CPXM2: variants seen among roughly 807,000 people sequenced by gnomAD.
CPXM2 encodes inactive carboxypeptidase-like protein X2.
In CPXM2, 66 loss-of-function variants were observed where a neutral mutation model predicts 86.1. That is an observed-to-expected ratio of 0.77 (90% CI 0.63 to 0.94). The LOEUF is 0.94. Among genes scored for constraint, CPXM2 ranks in the 40% least tolerant of loss-of-function variants. The probability of loss-of-function intolerance (pLI) is 0.00; values close to 1 mark genes in which losing one functional copy is unlikely to be tolerated. For missense variants in CPXM2, 948 were observed against 1,026.3 expected (o/e 0.92, Z 1.04); for synonymous variants, 388 against 400.2 (o/e 0.97, Z 0.36).
chr10:123,890,456 C>A (rs1218067785), intron 1 of CPXM2, among the ~76,000 whole-genome samples: 1 of 152,260 alleles, frequency 6.6e-6, no homozygotes, highest in Non-Finnish European at 1.5e-5. Flanking sequence ...GCCTTCCATA[C>A]CCGGAGCCCT....
intron 13 of CPXM2, chr10:123,751,680 C>G: frequency 1.0e-6 from 1 of 985,390 alleles, no homozygotes; most frequent in African/African-American, 1.7e-5. Flanking sequence ...TTTAATACCC[C>G]TGTTTATTTT....
At chr10:123,775,129 C>T (rs1846751054) in intron 7 of CPXM2, among the ~76,000 whole-genome samples, 1 of 152,298 alleles carries the variant, frequency 6.6e-6, no homozygotes, top group East Asian at 1.9e-4. Flanking sequence ...GGGCTCTTCC[C>T]TTACCCCTAT....
At chr10:123,882,676 A>G (rs944461287) in intron 1 of CPXM2, among the ~76,000 whole-genome samples, 2 of 152,090 alleles carry the variant, frequency 1.3e-5, no homozygotes, top group Non-Finnish European at 2.9e-5. Context: ...TGGGGCCTCC[A>G]TGGAACAGGC....
intron 4 of CPXM2, among the ~76,000 whole-genome samples, chr10:123,809,579 T>C (rs141652311): frequency 2.2e-4 from 34 of 152,208 alleles, no homozygotes; most frequent in Non-Finnish European, 4.4e-4. Context: ...TATATACATA[T>C]ATAGATATAG....
rs149892692 is a variant in CPXM2, at chr10:123,800,661, G to A, written c.654-1462C>T. 6.4e-4 allele frequency among the ~76,000 whole-genome samples: 97 copies of A among 151,732 alleles called. 1 individual carries two copies. Among genetic ancestry groups the A allele is most frequent in the African/African-American group, 1.3e-3 (53 of 41,292 alleles). On this transcript the variant is annotated intron_variant, in intron 4 of 13. Coordinates refer to ENST00000241305, the MANE Select transcript of CPXM2 (RefSeq NM_198148.3). ...AGGTGATGAATGTAGGAAACCCCTC[G>A]GTCAAGAGAAGCACAAGACAATAAG...
chr10:123,858,968 C>G lies in CPXM2; in HGVS notation c.513+3646G>C, dbSNP rs73366760. The stretch of plus-strand genomic sequence containing the variant: ...GGTGGGACCTGCACCTTCCTGATGA[C>G]GACACTGAGCCTTGGAGAATGAGGG... On this transcript the variant is annotated intron_variant, in intron 3 of 13. Transcript: ENST00000241305. 8.8e-3 allele frequency among the ~76,000 whole-genome samples: 1,334 copies of G among 152,316 alleles called. 22 individuals are homozygous for G. Among genetic ancestry groups the G allele is most frequent in the African/African-American group, 0.03 (1,263 of 41,564 alleles).
At chr10:123,872,044 A>G (rs548625831) in intron 2 of CPXM2, among the ~76,000 whole-genome samples, 2 of 152,368 alleles carry the variant, frequency 1.3e-5, no homozygotes, top group African/African-American at 4.8e-5. Context: ...ATAAAGGCTG[A>G]CAATATCAAA....
At chr10:123,845,167 C>A (rs985348360) in intron 3 of CPXM2, among the ~76,000 whole-genome samples, 3 of 151,610 alleles carry the variant, frequency 2.0e-5, no homozygotes, top group African/African-American at 7.3e-5. Flanking sequence ...ACTGTAGAGA[C>A]CCTGGATTGG....
At chr10:123,903,805 T>C (rs1945406661) in intron 2 of CPXM2, among the ~76,000 whole-genome samples, 1 of 152,236 alleles carries the variant, frequency 6.6e-6, no homozygotes, top group Admixed American at 6.5e-5. Flanking sequence ...GCCAAACCAA[T>C]TAACTTTTTA....
At chr10:123,788,233 T>C (rs1263285232) in intron 6 of CPXM2, among the ~76,000 whole-genome samples, 11 of 141,658 alleles carry the variant, frequency 7.8e-5, no homozygotes, top group Non-Finnish European at 1.5e-4. Context: ...TGAGCCGAGA[T>C]CATGCCACTG....
intron 2 of CPXM2, among the ~76,000 whole-genome samples, chr10:123,912,198 C>T (rs1374558138): frequency 1.3e-5 from 2 of 151,598 alleles, no homozygotes; most frequent in Non-Finnish European, 2.9e-5. Flanking sequence ...CCTGGCAGCG[C>T]CTGTGACCAA....
intron 4 of CPXM2, among the ~76,000 whole-genome samples, chr10:123,815,696 C>A (rs907934910): frequency 1.3e-5 from 2 of 152,144 alleles, no homozygotes; most frequent in African/African-American, 4.8e-5. Flanking sequence ...TCAGGAGCCA[C>A]CCCCAACACC....
intron 4 of CPXM2, among the ~76,000 whole-genome samples, chr10:123,836,937 C>T (rs1848294116): frequency 6.6e-6 from 1 of 151,754 alleles, no homozygotes; most frequent in South Asian, 2.1e-4. Context: ...CCAGGTGAGC[C>T]CCTGTCCCAG....
In CPXM2 at chr10:123,762,078, G is replaced by C; in HGVS notation, c.1571C>G (p.Ala524Gly). ...GGACCGCACCAGGTCGTAGGGGTAC[G>C]CCACCACCAGCTCGCCGCCCTGCAG... ...GNLQGGELVV[A>G]YPYDLVRSPW... Residue 524 changes from alanine to glycine, a missense_variant, in exon 11 of 14, where the codon GCG (alanine) becomes GGG (glycine). Physicochemically the swap from Ala to Gly is moderately conservative, Grantham distance 60 (BLOSUM62 0). Coordinates refer to ENST00000241305, the MANE Select transcript of CPXM2 (RefSeq NM_198148.3). 6.2e-7 allele frequency: 1 copy of C among 1,614,088 alleles called. No homozygotes were observed. Among genetic ancestry groups the C allele is most frequent in the Non-Finnish European group, 8.5e-7 (1 of 1,180,016 alleles).
chr10:123,891,592 A>C lies in CPXM2; in HGVS notation c.68T>G (p.Val23Gly), dbSNP rs1945273766. ...LVLLAVTLAG[V>G]GAQGAALEDP... ...CTCGAGGGCTGCGCCCTGGGCTCCGACCCCGGCCAGGGTCACTGCCAGGAG... is the reference window on the plus strand; with the variant it reads ...CTCGAGGGCTGCGCCCTGGGCTCCGCCCCCGGCCAGGGTCACTGCCAGGAG... Residue 23 changes from valine (V) to glycine (G), a missense_variant, in exon 1 of 14, where the codon GTC becomes GGC. Coordinates refer to ENST00000241305, the MANE Select transcript of CPXM2 (RefSeq NM_198148.3). This position sits in a 1 kb window ranked among gnomAD's most constrained non-coding sequence, Gnocchi z 5.6. 1.3e-6 allele frequency: 2 copies of C among 1,525,716 alleles called. No homozygotes were observed. Among genetic ancestry groups the C allele is most frequent in the Admixed American group, 2.1e-5 (1 of 48,180 alleles). 94.5% of individuals were successfully genotyped at this position (1,525,716 alleles called of 1,614,324 possible).
At chr10:123,921,590 G>C (rs1382118980) in intron 2 of CPXM2, among the ~76,000 whole-genome samples, 1 of 152,064 alleles carries the variant, frequency 6.6e-6, no homozygotes, top group African/African-American at 2.4e-5. Flanking sequence ...AGCTATGAGA[G>C]GCAAGGAATA....
At chr10:123,811,321 C>T (rs1053837360) in intron 4 of CPXM2, among the ~76,000 whole-genome samples, 2 of 152,048 alleles carry the variant, frequency 1.3e-5, no homozygotes, top group Non-Finnish European at 2.9e-5. Flanking sequence ...ACGACAGGCC[C>T]TGGTGTGTGA....
In CPXM2 at chr10:123,746,770, A is replaced by G; in HGVS notation, c.2265T>C (p.Arg755=). 1 of 1,614,088 alleles carries G rather than the reference A, an allele frequency of 6.2e-7. No individual in the cohort carries two copies. Among genetic ancestry groups the G allele is most frequent in the Non-Finnish European group, 8.5e-7 (1 of 1,180,000 alleles). Residue 755 remains arginine (R), a synonymous_variant, in exon 14 of 14, where the codon CGT becomes CGC. Transcript: ENST00000241305. ...TCTCAAGGGCCCAGGAGGGTCACCC[A>G]CGCTGTCGTCTCTTCTGCCCCCGCA... ...LKLRGQKRRQ[R]G
chr10:123,775,408 T>C (rs952275206), intron 7 of CPXM2, among the ~76,000 whole-genome samples: 4 of 152,238 alleles, frequency 2.6e-5, no homozygotes, highest in African/African-American at 9.6e-5. Flanking sequence ...AACTAGGCAA[T>C]GAATGCAAGC....
Sources: gnomAD v4.1 joint callset for allele counts (sites outside exome capture counted in the v4.1 genomes callset) on GRCh38, gnomAD v4.1.1 for gene constraint, Gnocchi (gnomAD v3.1) non-coding constraint, MANE v1.5 for transcripts, NCBI Gene and HGNC (gene_info 2026-07-23, HGNC 2026-07-21) for gene names.